Variants in CAMK1D observed in about 807,000 individuals in gnomAD.
CAMK1D encodes calcium/calmodulin-dependent protein kinase type 1D.
CAMK1D carries 9 observed loss-of-function variants against 47.7 expected under a neutral mutation model. The observed-to-expected ratio is 0.19, with a 90% CI of 0.11 to 0.33. The LOEUF (loss-of-function observed/expected upper bound fraction) is 0.33. Ranked by LOEUF, CAMK1D falls within the 10% of genes least tolerant of loss-of-function variation. The pLI is 1.00. For synonymous variants in CAMK1D, 184 were observed against 184.9 expected (o/e 0.99, Z 0.04); for missense variants, 291 against 488.7 (o/e 0.60, Z 3.81).
chr10:12,697,759 T>C (rs1564501819), intron 3 of CAMK1D, among the ~76,000 whole-genome samples: 1 of 152,330 alleles, frequency 6.6e-6, no homozygotes, highest in East Asian at 1.9e-4. Context: ...ACGGGTACTT[T>C]TCCTGCATTT....
intron 3 of CAMK1D, among the ~76,000 whole-genome samples, chr10:12,733,087 G>T (rs1185333788): frequency 6.6e-6 from 1 of 152,228 alleles, no homozygotes; most frequent in African/African-American, 2.4e-5. Context: ...CTTTGTGCGA[G>T]ACCCTGTGCC....
intron 3 of CAMK1D, among the ~76,000 whole-genome samples, chr10:12,686,369 T>G (rs977134681): frequency 3.9e-5 from 6 of 152,208 alleles, no homozygotes; most frequent in Non-Finnish European, 8.8e-5. Flanking sequence ...TTGCCCAGAC[T>G]AGAGTGCAAT....
In CAMK1D at chr10:12,810,140, C is replaced by T. The variant is rs1276277992; in HGVS notation, c.642-4055C>T. On this transcript the variant is annotated intron_variant, in intron 6 of 10. Coordinates refer to ENST00000619168, the MANE Select transcript of CAMK1D (RefSeq NM_153498.4). ...TTCCAGTCTGGGTGACAGAGAGAGA[C>T]CCTGTCTCATTAAAAAAAAAAAAAA... 9.1e-5 allele frequency among the ~76,000 whole-genome samples: 8 copies of T among 87,666 alleles called. No homozygotes were observed. The Admixed American group carries it at 1.0e-3, about 11-fold the overall frequency. 57.5% of individuals were successfully genotyped at this position (87,666 alleles called of 152,430 possible).
intron 1 of CAMK1D, among the ~76,000 whole-genome samples, chr10:12,390,627 C>A (rs1385856463): frequency 6.6e-6 from 1 of 152,178 alleles, no homozygotes; most frequent in African/African-American, 2.4e-5. Context: ...AGGGCCAGGG[C>A]TAACCATGAG....
chr10:12,457,779 CAAAAAAAA>C (rs5783269), intron 1 of CAMK1D, among the ~76,000 whole-genome samples: 1 of 71,130 alleles, frequency 1.4e-5, no homozygotes, highest in Non-Finnish European at 2.9e-5. Flanking sequence ...GACTCTGTCT[CAAAAAAAA>C]AAAAAAAAAA....
intron 6 of CAMK1D, among the ~76,000 whole-genome samples, chr10:12,805,124 T>C (rs1327260538): frequency 6.6e-6 from 1 of 151,206 alleles, no homozygotes; most frequent in African/African-American, 2.4e-5. Context: ...CTTGGTGTGG[T>C]GGCGCACACC....
chr10:12,769,532 C>T (rs1293967043), intron 4 of CAMK1D, 141 bp from the exon 5 acceptor site: 82 of 825,902 alleles, frequency 9.9e-5, no homozygotes, highest in Admixed American at 1.0e-4. Context: ...TATTGGCCGC[C>T]GCTTTAGTTG....
chr10:12,453,280 C>G (rs1564349146), intron 1 of CAMK1D, among the ~76,000 whole-genome samples: 1 of 151,632 alleles, frequency 6.6e-6, no homozygotes, highest in Admixed American at 6.6e-5. Context: ...AGCTCCGCCT[C>G]CTGGGTTCAA....
intron 2 of CAMK1D, among the ~76,000 whole-genome samples, chr10:12,627,875 C>T (rs1193087685): frequency 1.3e-5 from 2 of 152,076 alleles, no homozygotes; most frequent in African/African-American, 2.4e-5. Context: ...GTCAGGAGAT[C>T]AAGACCATCC....
chr10:12,822,409 A>G (rs1833047632), intron 8 of CAMK1D, among the ~76,000 whole-genome samples: 2 of 152,200 alleles, frequency 1.3e-5, no homozygotes, highest in Admixed American at 6.5e-5. Flanking sequence ...GCATTCCTAA[A>G]ATAATTAGAA....
chr10:12,668,837 G>A (rs1390933783), intron 3 of CAMK1D, among the ~76,000 whole-genome samples: 2 of 152,022 alleles, frequency 1.3e-5, no homozygotes, highest in Non-Finnish European at 2.9e-5. Flanking sequence ...AAGCCTGGAA[G>A]TCATATGAGG....
chr10:12,789,512 C>T (rs987087617), intron 5 of CAMK1D, among the ~76,000 whole-genome samples: 1 of 152,220 alleles, frequency 6.6e-6, no homozygotes, highest in Non-Finnish European at 1.5e-5. Context: ...AGGTGCACTT[C>T]ATGGTAGTTG....
At chr10:12,714,289 G>A (rs73574050) in intron 3 of CAMK1D, among the ~76,000 whole-genome samples, 3,831 of 151,892 alleles carry the variant, frequency 0.025, 134 homozygotes, top group African/African-American at 0.08. Context: ...CTTCATACAT[G>A]GCATAGTCCC....
intron 1 of CAMK1D, among the ~76,000 whole-genome samples, chr10:12,410,094 C>G (rs1411518077): frequency 6.6e-6 from 1 of 152,196 alleles, no homozygotes; most frequent in Non-Finnish European, 1.5e-5. Context: ...TTTTGTTTAT[C>G]TGTATTACTT....
intron 3 of CAMK1D, among the ~76,000 whole-genome samples, chr10:12,749,543 G>T (rs1382906414): frequency 2.3e-5 from 3 of 132,214 alleles, no homozygotes; most frequent in Non-Finnish European, 3.3e-5. Context: ...TTGTTTGTTT[G>T]TTTGTTTTTT....
rs970753397 is a variant in CAMK1D at position 12,532,319 on chromosome 10, G to T, written c.93-20906G>T. On this transcript the variant is annotated intron_variant, in intron 1 of 10. Coordinates refer to ENST00000619168, the MANE Select transcript of CAMK1D (RefSeq NM_153498.4). ...TTTTGAGACGGAGTCTCGCTCTGTCGCCCAGGCTGGAGTGCAGTGGCGGGA... is the reference window on the plus strand; with the variant it reads ...TTTTGAGACGGAGTCTCGCTCTGTCTCCCAGGCTGGAGTGCAGTGGCGGGA... Among the ~76,000 whole-genome samples, 3 of 147,986 alleles carry T rather than the reference G, an allele frequency of 2.0e-5. No individual in the cohort carries two copies. The Admixed American group carries it at 2.0e-4, about 10-fold the overall frequency.
At chr10:12,469,714 C>A (rs183497377) in intron 1 of CAMK1D, among the ~76,000 whole-genome samples, 1 of 152,160 alleles carries the variant, frequency 6.6e-6, no homozygotes, top group East Asian at 1.9e-4. Context: ...AAAATGTGCA[C>A]CTTCTGGAGA....
chr10:12,450,872 T>A (rs181934610), intron 1 of CAMK1D, among the ~76,000 whole-genome samples: 1 of 152,314 alleles, frequency 6.6e-6, no homozygotes, highest in Non-Finnish European at 1.5e-5. Context: ...GAAAAACTCA[T>A]GCTTTGACTG....
intron 1 of CAMK1D, among the ~76,000 whole-genome samples, chr10:12,513,991 C>A (rs1414891306): frequency 5.3e-5 from 8 of 152,300 alleles, no homozygotes; most frequent in Admixed American, 5.2e-4. Context: ...CAGCGGTGGG[C>A]TGTGCTGGAT....
Sources: gnomAD v4.1 joint callset for allele counts (sites outside exome capture counted in the v4.1 genomes callset) on GRCh38, gnomAD v4.1.1 for gene constraint, MANE v1.5 for transcripts, NCBI Gene and HGNC (gene_info 2026-07-23, HGNC 2026-07-21) for gene names.